Variants in CCDC171 observed in about 807,000 individuals in gnomAD.
CCDC171 encodes coiled-coil domain-containing protein 171.
Under a neutral mutation model 168.2 loss-of-function variants are expected in CCDC171, and 177 were observed. The ratio of observed to expected loss-of-function variants is 1.05; its 90% CI spans 0.93 to 1.19. CCDC171 has a LOEUF of 1.19. CCDC171 is among the 50% of genes most tolerant of loss of function. The pLI is 0.00. For missense variants in CCDC171, 1,991 were observed against 1,539.0 expected, an observed-to-expected ratio of 1.29 and a Z score of -4.91; for synonymous variants, 687 against 540.8, an observed-to-expected ratio of 1.27 and a Z score of -3.75.
intron 16 of CCDC171, among the ~76,000 whole-genome samples, chr9:15,734,737 A>T (rs778024072): frequency 6.6e-6 from 1 of 152,214 alleles, no homozygotes; most frequent in Non-Finnish European, 1.5e-5. Flanking sequence ...GATTAATTCT[A>T]TATCTTTTAC....
intron 24 of CCDC171, among the ~76,000 whole-genome samples, chr9:15,888,332 T>C (rs1391643537): frequency 6.6e-6 from 1 of 152,158 alleles, no homozygotes; most frequent in Non-Finnish European, 1.5e-5. Flanking sequence ...ACATGTGCCT[T>C]CAAAAAAATA....
At chr9:16,001,141 ATT>A (rs1293464160) in intron 3 of CCDC171, among the ~76,000 whole-genome samples, 1 of 152,196 alleles carries the variant, frequency 6.6e-6, no homozygotes, top group Admixed American at 6.5e-5. Context: ...CCTTTTCAGG[ATT>A]CAGTTGCCTA....
rs748612145 is a variant in CCDC171, at chr9:15,777,623, C to T, written c.2695C>T (p.His899Tyr). ...KADPNSRICG[H>Y]LLIGAAKNSF... ...AGATCCAAATTCCAGAATTTGTGGA[C>T]ATTTACTCATAGGTGCAGCCAAGAA... Residue 899 changes from histidine (H) to tyrosine (Y), a missense_variant, in exon 19 of 26, where the codon CAT becomes TAT. Coordinates refer to ENST00000380701, the MANE Select transcript of CCDC171 (RefSeq NM_173550.4). 2.5e-6 allele frequency: 4 copies of T among 1,607,238 alleles called. No homozygotes were observed. The highest frequency in any genetic ancestry group is 1.3e-5 in the African/African-American group (1 of 74,498).
chr9:15,824,846 C>T (rs1203513404), intron 21 of CCDC171, among the ~76,000 whole-genome samples: 4 of 151,942 alleles, frequency 2.6e-5, no homozygotes, highest in South Asian at 2.1e-4. Flanking sequence ...TGGATTCCAA[C>T]GTGGTTCATG....
Position 15,646,497 on chromosome 9 carries a change from C to T in CCDC171, c.823-10630C>T, listed in dbSNP as rs532525108. ...TCAAGACCCATCAGTGTGCTGTATT[C>T]AGGAGACCCATCTCATGTGCAGAGA... On this transcript the variant is annotated intron_variant, in intron 7 of 25. Transcript: ENST00000380701. 2.0e-5 allele frequency among the ~76,000 whole-genome samples: 3 copies of T among 152,262 alleles called. No individual in the cohort carries two copies. The South Asian group carries it at 6.2e-4, about 32-fold the overall frequency.
exon 5 of CCDC171, chr9:16,022,375 T>C (rs1454866705): frequency 6.6e-6 from 1 of 152,210 alleles, no homozygotes; most frequent in Non-Finnish European, 1.5e-5. Flanking sequence ...GAAGCACAGA[T>C]TAGGTGACTG....
the CCDC171 span, among the ~76,000 whole-genome samples, chr9:16,106,769 A>G: frequency 6.6e-6 from 1 of 152,110 alleles, no homozygotes; most frequent in Non-Finnish European, 1.5e-5. Flanking sequence ...CAATAAAACT[A>G]AATGCTAGAG....
intron 10 of CCDC171, among the ~76,000 whole-genome samples, chr9:15,680,703 GTTCACTGTAATGTTATCTTAAATT>G (rs1363577068): frequency 6.6e-6 from 1 of 152,162 alleles, no homozygotes; most frequent in Non-Finnish European, 1.5e-5. Context: ...TGTAGCATCT[GTTCACTGTAATGTTATCTTAAATT>G]TCATGGGCTG....
chr9:15,720,347 T>G (rs1183643321), intron 11 of CCDC171, among the ~76,000 whole-genome samples: 1 of 152,152 alleles, frequency 6.6e-6, no homozygotes, highest in Non-Finnish European at 1.5e-5. Context: ...TCATATAATT[T>G]TTTATCTACT....
intron 6 of CCDC171, among the ~76,000 whole-genome samples, chr9:15,595,055 C>G (rs1169629155): frequency 1.3e-5 from 2 of 152,006 alleles, no homozygotes; most frequent in East Asian, 3.9e-4. Flanking sequence ...TGAAAAATAT[C>G]CACATATAAT....
chr9:15,911,935 G>A (rs563790343), intron 24 of CCDC171, among the ~76,000 whole-genome samples: 61 of 152,294 alleles, frequency 4.0e-4, no homozygotes, highest in African/African-American at 1.2e-3. Flanking sequence ...GTACCATGCC[G>A]TTTTGGTTAC....
At chr9:15,776,813 TA>T (rs1211127580) in intron 18 of CCDC171, among the ~76,000 whole-genome samples, 12 of 152,218 alleles carry the variant, frequency 7.9e-5, no homozygotes, top group African/African-American at 2.9e-4. Flanking sequence ...AGACAAGATT[TA>T]AATTAACACC....
Position 15,820,130 on chromosome 9 carries a change from C to T in CCDC171, c.3268-26572C>T, listed in dbSNP as rs779618513. ...AAATGAAGGCAGAAATAAAGGTGTT[C>T]TTTGAGACCAATGAGAACAAAGACA... On this transcript the variant is annotated intron_variant, in intron 21 of 25. Transcript: ENST00000380701. 5.2e-4 allele frequency among the ~76,000 whole-genome samples: 61 copies of T among 117,618 alleles called. 17 individuals carry two copies. The highest frequency in any genetic ancestry group is 1.0e-3 in the Non-Finnish European group (55 of 52,456). The allele number at this position is 117,618 out of a possible 152,430, so 77.2% of individuals were successfully genotyped here. A position where few individuals can be genotyped will look rare whatever the true frequency, so the allele number is the denominator to read the frequency against.
rs150263281 is a variant in CCDC171, at chr9:15,946,901, C to T, written c.3754-24708C>T. Among the ~76,000 whole-genome samples the T allele has an allele frequency of 2.0e-3, 298 of 151,972 alleles. 3 individuals are homozygous for T. The highest frequency in any genetic ancestry group is 6.0e-3 in the African/African-American group (250 of 41,506). ...TGTTAAATGCTTGACTTATTGATGA[C>T]GGGGAGATAGCACTTTTATATATAA... On this transcript the variant is annotated intron_variant, in intron 25 of 25. Transcript: ENST00000380701.
In CCDC171 at chr9:15,555,372, G is replaced by A. The variant is rs568150453; in HGVS notation, c.-112+2070G>A. Among the ~76,000 whole-genome samples, 3 of 152,300 alleles carry A rather than the reference G, an allele frequency of 2.0e-5. No homozygotes were observed. In the South Asian group the frequency reaches 6.2e-4, roughly 32 times the overall value. On this transcript the variant is annotated intron_variant, in intron 1 of 25. Transcript: ENST00000380701. ...TACAGGATGGCCTGGTTTTGGTCCA[G>A]AACTGTGAAGGTGCTATCTGGATTG...
chr9:15,985,160 G>T (rs926731631), intron 3 of CCDC171, among the ~76,000 whole-genome samples: 1 of 152,070 alleles, frequency 6.6e-6, no homozygotes, highest in Non-Finnish European at 1.5e-5. Context: ...ACATTTCACT[G>T]TGTACAAAGA....
intron 21 of CCDC171, among the ~76,000 whole-genome samples, chr9:15,790,843 T>G (rs1168070041): frequency 6.6e-6 from 1 of 152,242 alleles, no homozygotes; most frequent in South Asian, 2.1e-4. Flanking sequence ...GCACCATTTA[T>G]TAAACAGGGA....
chr9:15,628,759 A>G (rs1177329950), intron 7 of CCDC171, among the ~76,000 whole-genome samples: 6 of 152,328 alleles, frequency 3.9e-5, no homozygotes, highest in Admixed American at 3.9e-4. Flanking sequence ...AACCCTGAGC[A>G]GCCTAACTGG....
intron 3 of CCDC171, among the ~76,000 whole-genome samples, chr9:16,017,400 A>G (rs1181147565): frequency 6.6e-6 from 1 of 152,132 alleles, no homozygotes. Flanking sequence ...TAATTATTTT[A>G]CATTCCTTAT....
Sources: allele counts gnomAD v4.1 joint callset (sites outside exome capture counted in the v4.1 genomes callset), GRCh38; gene constraint gnomAD v4.1.1; transcripts MANE v1.5; gene names NCBI Gene and HGNC (gene_info 2026-07-23, HGNC 2026-07-21).